Variants in INPP4B observed in about 807,000 individuals in gnomAD.
The protein encoded by INPP4B is inositol polyphosphate 4-phosphatase type II.
INPP4B carries 55 observed loss-of-function variants against 122.5 expected under a neutral mutation model. That is an observed-to-expected ratio of 0.45 (90% CI 0.36 to 0.56). The LOEUF is 0.56. INPP4B is among the 20% of genes least tolerant of loss of function. The pLI is 0.00. For missense variants in INPP4B, 1,000 were observed against 1,097.7 expected, an observed-to-expected ratio of 0.91 and a Z score of 1.26; for synonymous variants, 403 against 388.7, an observed-to-expected ratio of 1.04 and a Z score of -0.43.
chr4:142,581,318 A>G (rs897083761), intron 2 of INPP4B, among the ~76,000 whole-genome samples: 3 of 151,998 alleles, frequency 2.0e-5, no homozygotes, highest in African/African-American at 4.8e-5. Flanking sequence ...CACAGCTGTT[A>G]TCTCTCAGAT....
chr4:142,639,680 A>T (rs927268004), intron 2 of INPP4B, among the ~76,000 whole-genome samples: 2 of 152,102 alleles, frequency 1.3e-5, no homozygotes, highest in Admixed American at 1.3e-4. Context: ...AAAATCAAAT[A>T]ATTTTCTGCC....
intron 9 of INPP4B, among the ~76,000 whole-genome samples, chr4:142,282,029 A>C (rs569481426): frequency 2.4e-4 from 37 of 152,250 alleles, no homozygotes; most frequent in Admixed American, 3.9e-4. Flanking sequence ...CTCTGCCCGC[A>C]TGGAACTTAT....
At chr4:142,481,678 A>T (rs1333425022) in intron 2 of INPP4B, among the ~76,000 whole-genome samples, 1 of 152,140 alleles carries the variant, frequency 6.6e-6, no homozygotes, top group South Asian at 2.1e-4. Flanking sequence ...TTGGGATAAA[A>T]AATAAAGTAA....
chr4:142,482,949 G>A (rs1447126300), intron 2 of INPP4B, among the ~76,000 whole-genome samples: 1 of 151,906 alleles, frequency 6.6e-6, no homozygotes, highest in African/African-American at 2.4e-5. Context: ...TCATATATAA[G>A]ATTATCTATG....
intron 15 of INPP4B, among the ~76,000 whole-genome samples, chr4:142,179,034 T>C (rs549177157): frequency 9.4e-4 from 143 of 152,174 alleles, no homozygotes; most frequent in Non-Finnish European, 1.9e-3. Context: ...TTCCATTTTC[T>C]ACTGGAAGTG....
chr4:142,204,049 A>G (rs1841736869), intron 14 of INPP4B, among the ~76,000 whole-genome samples: 1 of 152,116 alleles, frequency 6.6e-6, no homozygotes, highest in Non-Finnish European at 1.5e-5. Flanking sequence ...ACTACCACCT[A>G]TGACAACTTT....
At chr4:142,334,386 G>C (rs1775799111) in intron 7 of INPP4B, among the ~76,000 whole-genome samples, 1 of 152,060 alleles carries the variant, frequency 6.6e-6, no homozygotes, top group South Asian at 2.1e-4. Context: ...TTGGGTTTTG[G>C]GTATTGTGAA....
intron 15 of INPP4B, among the ~76,000 whole-genome samples, chr4:142,182,026 T>A (rs949201222): frequency 6.6e-6 from 1 of 152,208 alleles, no homozygotes; most frequent in African/African-American, 2.4e-5. Context: ...CTTCCTAAGC[T>A]AACATTGCAC....
intron 1 of INPP4B, among the ~76,000 whole-genome samples, chr4:142,796,101 G>A (rs1016856722): frequency 6.6e-6 from 1 of 152,112 alleles, no homozygotes; most frequent in Non-Finnish European, 1.5e-5. Flanking sequence ...TAATAAATGT[G>A]AGGATCTTGA....
At chr4:142,815,032 A>G (rs1339177796) in intron 1 of INPP4B, among the ~76,000 whole-genome samples, 1 of 152,168 alleles carries the variant, frequency 6.6e-6, no homozygotes, top group East Asian at 1.9e-4. Flanking sequence ...CCATGTGGCT[A>G]ATATGTACTT....
chr4:142,507,837 C>T (rs1474017693), intron 2 of INPP4B, among the ~76,000 whole-genome samples: 1 of 152,120 alleles, frequency 6.6e-6, no homozygotes, highest in East Asian at 1.9e-4. Flanking sequence ...ATGATGATTC[C>T]ATAAGTCCCA....
chr4:142,134,422 G>C (rs1486442381), intron 18 of INPP4B, among the ~76,000 whole-genome samples: 1 of 152,072 alleles, frequency 6.6e-6, no homozygotes, highest in Admixed American at 6.6e-5. Flanking sequence ...TAGTTTTCTG[G>C]TAAGAACAGA....
chr4:142,215,986 C>A (rs903953984), intron 12 of INPP4B, among the ~76,000 whole-genome samples: 1 of 140,986 alleles, frequency 7.1e-6, no homozygotes, highest in East Asian at 2.3e-4. Flanking sequence ...CATTACAAAG[C>A]CTTTGGCATG....
rs151104786 is a variant in INPP4B at position 142,568,167 on chromosome 4, C to T, written c.-190-105441G>A. On this transcript the variant is annotated intron_variant, in intron 2 of 25. Transcript: ENST00000262992. ...CTTTTTTTATTCTTTTTTTTTTTTCCACTTGCTGCTGGACAGAATTATAAA... is the reference window on the plus strand; with the variant it reads ...CTTTTTTTATTCTTTTTTTTTTTTCTACTTGCTGCTGGACAGAATTATAAA... Among the ~76,000 whole-genome samples, 717 of 146,626 alleles carry T rather than the reference C, an allele frequency of 4.9e-3. 9 individuals are homozygous for T. The highest frequency in any genetic ancestry group is 0.017 in the African/African-American group (675 of 39,982).
At chr4:142,687,625 G>A (rs1435706095) in intron 2 of INPP4B, among the ~76,000 whole-genome samples, 1 of 151,420 alleles carries the variant, frequency 6.6e-6, no homozygotes, top group Non-Finnish European at 1.5e-5. Flanking sequence ...CCCAGGTAAT[G>A]TGAGTTGTGC....
intron 1 of INPP4B, among the ~76,000 whole-genome samples, chr4:142,780,145 G>A (rs2151024290): frequency 6.6e-6 from 1 of 152,238 alleles, no homozygotes; most frequent in East Asian, 1.9e-4. Context: ...GTTCAATTTA[G>A]ACACAATTAC....
rs150294385 is a variant in INPP4B, at chr4:142,835,687, T to C, written c.-254+10522A>G. On this transcript the variant is annotated intron_variant, in intron 1 of 25. Coordinates refer to ENST00000262992, the MANE Select transcript of INPP4B (RefSeq NM_001101669.3). The stretch of plus-strand genomic sequence containing the variant: ...TTTGCTGCATTGTGTTTGGTTGTTA[T>C]ACAAAGTAATAGATAATTTTGGATA... Among the ~76,000 whole-genome samples, 609 of 152,348 alleles carry C rather than the reference T, an allele frequency of 4.0e-3. 3 individuals carry two copies. Among genetic ancestry groups the C allele is most frequent in the Middle Eastern group, 0.014 (4 of 294 alleles).
chr4:142,256,240 C>G (rs1351966511), intron 11 of INPP4B, among the ~76,000 whole-genome samples: 4 of 151,516 alleles, frequency 2.6e-5, no homozygotes, highest in African/African-American at 7.3e-5. Context: ...TAAATGCCCA[C>G]AAGAGAAAGC....
intron 23 of INPP4B, among the ~76,000 whole-genome samples, chr4:142,102,211 A>G (rs1784777162): frequency 6.6e-6 from 1 of 152,092 alleles, no homozygotes; most frequent in Admixed American, 6.6e-5. Context: ...AAAATGGAAA[A>G]TGCTAACTAA....
Sources: gnomAD v4.1 joint callset for allele counts (sites outside exome capture counted in the v4.1 genomes callset) on GRCh38, gnomAD v4.1.1 for gene constraint, MANE v1.5 for transcripts, NCBI Gene and HGNC (gene_info 2026-07-23, HGNC 2026-07-21) for gene names.